Variants in PPP3CC observed in about 807,000 individuals in gnomAD.
PPP3CC encodes serine/threonine-protein phosphatase 2B catalytic subunit gamma isoform.
In PPP3CC, 35 loss-of-function variants were observed where a neutral mutation model predicts 60.3. The ratio of observed to expected loss-of-function variants is 0.58; its 90% CI spans 0.44 to 0.77. PPP3CC has a LOEUF of 0.77. Among genes scored for constraint, PPP3CC ranks in the 30% least tolerant of loss-of-function variants. PPP3CC has a pLI of 0.00. For missense variants in PPP3CC, 570 were observed against 628.9 expected, an observed-to-expected ratio of 0.91 and a Z score of 1.00; for synonymous variants, 206 against 224.3, an observed-to-expected ratio of 0.92 and a Z score of 0.73.
chr8:22,487,629 GA>G (rs147802318), intron 3 of PPP3CC, among the ~76,000 whole-genome samples: 6,185 of 146,902 alleles, frequency 0.042, 332 homozygotes, highest in African/African-American at 0.12. Flanking sequence ...TGTCTAAAGA[GA>G]AAAAAAAAAT....
intron 1 of PPP3CC, among the ~76,000 whole-genome samples, chr8:22,456,351 C>T (rs963216232): frequency 6.6e-6 from 1 of 152,156 alleles, no homozygotes; most frequent in African/African-American, 2.4e-5. Context: ...AGAATCTGAT[C>T]TTGAAAAGGT....
At chr8:22,532,402 A>G in intron 11 of PPP3CC, 96 bp downstream of exon 11, 1 of 1,011,594 alleles carries the variant, frequency 9.9e-7, no homozygotes, top group Non-Finnish European at 1.5e-6. Context: ...GGAATGTAGT[A>G]TTGAAACTGC....
At chr8:22,480,405 T>G (rs1838026259) in intron 3 of PPP3CC, among the ~76,000 whole-genome samples, 1 of 152,382 alleles carries the variant, frequency 6.6e-6, no homozygotes, top group South Asian at 2.1e-4. Context: ...TCATTTCATA[T>G]CTCTGTAAGA....
intron 1 of PPP3CC, among the ~76,000 whole-genome samples, chr8:22,446,351 A>C (rs1257855415): frequency 6.6e-6 from 1 of 152,094 alleles, no homozygotes; most frequent in East Asian, 1.9e-4. Context: ...CTAACGTCAT[A>C]TTTGTAAAGT....
At chr8:22,484,480 TC>T (rs1838164923) in intron 3 of PPP3CC, among the ~76,000 whole-genome samples, 1 of 152,244 alleles carries the variant, frequency 6.6e-6, no homozygotes. Context: ...AGATTATCTT[TC>T]TGACAAAATG....
chr8:22,455,606 C>G (rs1355110993), intron 1 of PPP3CC, among the ~76,000 whole-genome samples: 1 of 152,232 alleles, frequency 6.6e-6, no homozygotes, highest in African/African-American at 2.4e-5. Context: ...TTATTTTTAA[C>G]TACTTTGCAC....
rs1430688968 is a variant in PPP3CC, at chr8:22,527,640, T to A, written c.1069+123T>A. 9 of 1,248,580 alleles carry A rather than the reference T, an allele frequency of 7.2e-6. No individual in the cohort carries two copies. In the Admixed American group the frequency reaches 9.6e-5, roughly 13 times the overall value. 77.3% of individuals were successfully genotyped at this position (1,248,580 alleles called of 1,614,324 possible). On this transcript the variant is annotated intron_variant, in intron 9 of 13. Transcript: ENST00000240139. Reference sequence around the variant, plus strand: ...TTTGTTTGTTCTCTACATAGATTTTTTTTTTTTTTTTCTGAGATGGAGTCT... The same window carrying A: ...TTTGTTTGTTCTCTACATAGATTTTATTTTTTTTTTTCTGAGATGGAGTCT...
At chr8:22,498,150 C>T (rs1371102203) in intron 4 of PPP3CC, 38 bp downstream of exon 4, 4 of 1,330,684 alleles carry the variant, frequency 3.0e-6, no homozygotes, top group Non-Finnish European at 3.2e-6. Flanking sequence ...TTTTAGTTAC[C>T]CTTTAACCTG....
chr8:22,535,067 G>A (rs1424724412), intron 12 of PPP3CC, among the ~76,000 whole-genome samples: 2 of 152,190 alleles, frequency 1.3e-5, no homozygotes, highest in Non-Finnish European at 2.9e-5. Context: ...AATGTGTTGA[G>A]CTGTACACTT....
At chr8:22,476,827 G>A (rs1341058160) in intron 3 of PPP3CC, among the ~76,000 whole-genome samples, 1 of 151,832 alleles carries the variant, frequency 6.6e-6, no homozygotes, top group Non-Finnish European at 1.5e-5. Context: ...AGCTACTTGG[G>A]AGGCTGAGGC....
At position 22,478,092 on chromosome 8, in the gene PPP3CC, C is replaced by T. The variant is rs576313386; in HGVS notation, c.372+2468C>T. Among the ~76,000 whole-genome samples, 5 of 152,072 alleles carry T rather than the reference C, an allele frequency of 3.3e-5. No individual in the cohort carries two copies. In the East Asian group the frequency reaches 7.7e-4, roughly 24 times the overall value. On this transcript the variant is annotated intron_variant, in intron 3 of 13. Coordinates refer to ENST00000240139, the MANE Select transcript of PPP3CC (RefSeq NM_005605.5). ...GTCTTGAACTGCTGACCTCGTGGTC[C>T]ACCCACCTTGGCCTCCCAAAGTGCT...
At chr8:22,527,681 G>C (rs904489635) in intron 9 of PPP3CC, among the ~76,000 whole-genome samples, 164 bp downstream of exon 9, 1 of 151,338 alleles carries the variant, frequency 6.6e-6, no homozygotes, top group South Asian at 2.1e-4. Context: ...TGTCACCCAG[G>C]CTGGAGTGCA....
intron 3 of PPP3CC, among the ~76,000 whole-genome samples, chr8:22,475,871 A>G (rs531568049): frequency 6.6e-6 from 1 of 152,340 alleles, no homozygotes; most frequent in South Asian, 2.1e-4. Flanking sequence ...TTAAATGTTC[A>G]CCAACTTTTC....
chr8:22,467,749 T>A (rs1837589650), intron 1 of PPP3CC, among the ~76,000 whole-genome samples: 1 of 152,156 alleles, frequency 6.6e-6, no homozygotes, highest in Non-Finnish European at 1.5e-5. Context: ...TATAACAAAA[T>A]GCCTTAGACT....
intron 2 of PPP3CC, 125 bp downstream of exon 2, chr8:22,475,276 A>G (rs1046898085): frequency 3.0e-6 from 3 of 984,032 alleles, no homozygotes; most frequent in African/African-American, 3.3e-5. Flanking sequence ...TGAGACAGTC[A>G]GGATTGGTTA....
chr8:22,510,994 T>C (rs1839068905), intron 4 of PPP3CC, 92 bp from the exon 5 acceptor site: 6 of 1,338,600 alleles, frequency 4.5e-6, no homozygotes, highest in African/African-American at 1.5e-5. Flanking sequence ...AATAAATGGC[T>C]CTAAAGTAGC....
chr8:22,521,647 A>G (rs974424632), intron 6 of PPP3CC, among the ~76,000 whole-genome samples: 3 of 152,132 alleles, frequency 2.0e-5, no homozygotes, highest in Admixed American at 1.3e-4. Context: ...GTCACCTACA[A>G]CCTACTTTAA....
chr8:22,533,025 A>G lies in PPP3CC; in HGVS notation c.1321+7A>G, dbSNP rs1166674762. 2.6e-6 allele frequency: 4 copies of G among 1,567,942 alleles called. No homozygotes were observed. In the African/African-American group the frequency reaches 4.1e-5, roughly 16 times the overall value. ...AAGCAGACTATCGAGACAGGTGAGT[A>G]TGAGAGTGCTCCTCCATGGAAGGTG... On this transcript the variant is annotated splice_region_variant and intron_variant, in intron 12 of 13. Transcript: ENST00000240139.
intron 13 of PPP3CC, among the ~76,000 whole-genome samples, 199 bp downstream of exon 13, chr8:22,539,697 A>G (rs1839918010): frequency 6.6e-6 from 1 of 152,156 alleles, no homozygotes; most frequent in East Asian, 1.9e-4. Context: ...AATAACCTTC[A>G]CCACAGCTAC....
Sources: gnomAD v4.1 joint callset for allele counts (sites outside exome capture counted in the v4.1 genomes callset) on GRCh38, gnomAD v4.1.1 for gene constraint, MANE v1.5 for transcripts, NCBI Gene and HGNC (gene_info 2026-07-23, HGNC 2026-07-21) for gene names.